Variants in HECW2 observed in about 807,000 individuals in gnomAD.
HECW2 encodes HECT, C2 and WW domain containing E3 ubiquitin protein ligase 2.
HECW2 carries 61 observed loss-of-function variants against 175.2 expected under a neutral mutation model. The ratio of observed to expected loss-of-function variants is 0.35; its 90% CI spans 0.28 to 0.43. The LOEUF (loss-of-function observed/expected upper bound fraction) is 0.43, where lower values mean the gene tolerates loss of function less well. Ranked by LOEUF, HECW2 falls within the 20% of genes least tolerant of loss-of-function variation. The pLI is 1.00. For synonymous variants in HECW2, 671 were observed against 731.0 expected (o/e 0.92, Z 1.32); for missense variants, 1,524 against 2,000.5 (o/e 0.76, Z 4.54).
chr2:196,240,884 G>A (rs1258328103), intron 20 of HECW2, among the ~76,000 whole-genome samples: 1 of 151,496 alleles, frequency 6.6e-6, no homozygotes, highest in Admixed American at 6.6e-5. Flanking sequence ...CACACACACC[G>A]CCCCCCGCCC....
intron 15 of HECW2, among the ~76,000 whole-genome samples, chr2:196,275,580 C>T (rs1001287883): frequency 5.3e-5 from 8 of 151,998 alleles, no homozygotes; most frequent in Non-Finnish European, 8.8e-5. Flanking sequence ...GGTGAAACCC[C>T]ATCTCTACTA....
At chr2:196,337,013 G>A (rs1165534056) in intron 3 of HECW2, among the ~76,000 whole-genome samples, 1 of 140,170 alleles carries the variant, frequency 7.1e-6, no homozygotes, top group African/African-American at 2.9e-5. Flanking sequence ...CCTTCAGCAG[G>A]ACATCAGTGA....
At chr2:196,364,814 A>G (rs73053770) in intron 2 of HECW2, among the ~76,000 whole-genome samples, 1,596 of 152,364 alleles carry the variant, frequency 0.01, 24 homozygotes, top group African/African-American at 0.036. Context: ...AAAGATCCTC[A>G]GAGTATGGAT....
intron 1 of HECW2, among the ~76,000 whole-genome samples, chr2:196,509,298 C>T (rs1483733422): frequency 1.3e-5 from 2 of 152,300 alleles, no homozygotes; most frequent in Non-Finnish European, 2.9e-5. Flanking sequence ...CTTTCACCTT[C>T]CTGTAAGCCT....
chr2:196,497,494 G>A (rs1356583006), intron 1 of HECW2, among the ~76,000 whole-genome samples: 1 of 152,178 alleles, frequency 6.6e-6, no homozygotes, highest in Non-Finnish European at 1.5e-5. Context: ...TATAAGACCA[G>A]TATTAGATGA....
intron 17 of HECW2, 63 bp from the exon 18 acceptor site, chr2:196,257,969 T>C: frequency 8.5e-7 from 1 of 1,172,472 alleles, no homozygotes; most frequent in South Asian, 1.3e-5. Flanking sequence ...AACTCAGTAG[T>C]AAAGAGCATT....
chr2:196,321,635 G>C (rs1235302775), intron 7 of HECW2, among the ~76,000 whole-genome samples: 1 of 151,964 alleles, frequency 6.6e-6, no homozygotes, highest in Admixed American at 6.6e-5. Flanking sequence ...CCTGACCTCG[G>C]GTGATCTGCC....
chr2:196,515,083 G>A (rs1688101259), intron 1 of HECW2, among the ~76,000 whole-genome samples: 1 of 152,212 alleles, frequency 6.6e-6, no homozygotes. Flanking sequence ...AGGGACCACT[G>A]CATTCCCTTT....
chr2:196,420,219 T>C (rs1695371777), intron 2 of HECW2, among the ~76,000 whole-genome samples: 1 of 152,194 alleles, frequency 6.6e-6, no homozygotes, highest in Non-Finnish European at 1.5e-5. Context: ...TAAAACAGGT[T>C]GAAAATCTGA....
rs1021542113 is a variant in HECW2, at chr2:196,242,317, T to G, written c.3530-113A>C. ...CAACAAGTCAAATGAGGCAACTGTC[T>G]TAACTTCTGCATTTTTGATTTCTGC... On this transcript the variant is annotated intron_variant, in intron 19 of 28. Coordinates refer to ENST00000644978, the MANE Select transcript of HECW2 (RefSeq NM_001348768.2). 2.2e-6 allele frequency: 3 copies of G among 1,344,620 alleles called. No homozygotes were observed. In the Admixed American group the frequency reaches 6.8e-5, roughly 31 times the overall value. The allele number at this position is 1,344,620 out of a possible 1,614,324, so 83.3% of individuals were successfully genotyped here.
chr2:196,367,123 A>C (rs1693765180), intron 2 of HECW2, among the ~76,000 whole-genome samples: 1 of 152,206 alleles, frequency 6.6e-6, no homozygotes, highest in Non-Finnish European at 1.5e-5. Flanking sequence ...TAACATATTC[A>C]CATTAGTGAA....
chr2:196,278,133 A>ATATATATATATATATAGATATATATAT lies in HECW2; in HGVS notation c.3135+394_3135+395insATATATATATCTATATATATATATATA, dbSNP rs1553489735. 3.0e-5 allele frequency among the ~76,000 whole-genome samples: 2 copies of ATATATATATATATATAGATATATATAT among 66,552 alleles called. 1 individual carries two copies. Among genetic ancestry groups the ATATATATATATATATAGATATATATAT allele is most frequent in the East Asian group, 2.0e-3 (2 of 980 alleles). The allele number at this position is 66,552 out of a possible 152,430, so 43.7% of individuals were successfully genotyped here. On this transcript the variant is annotated intron_variant, in intron 15 of 28. Transcript: ENST00000644978. ...CCTAGAACTTAAAGTATAATTAAAA[A>ATATATATATATATATAGATATATATAT]ATATATATATATATATATAAAGAAA...
intron 2 of HECW2, among the ~76,000 whole-genome samples, chr2:196,363,849 G>C (rs1693670936): frequency 6.6e-6 from 1 of 152,106 alleles, no homozygotes; most frequent in African/African-American, 2.4e-5. Context: ...AGGAGGAAAA[G>C]AAAGAATAAG....
chr2:196,522,105 T>C (rs1232174726), intron 1 of HECW2, among the ~76,000 whole-genome samples: 2 of 152,206 alleles, frequency 1.3e-5, no homozygotes, highest in Non-Finnish European at 2.9e-5. Context: ...ACCAACAGTG[T>C]AAAAGTGTTC....
intron 1 of HECW2, among the ~76,000 whole-genome samples, chr2:196,449,745 A>G (rs1470540938): frequency 6.6e-6 from 1 of 152,246 alleles, no homozygotes; most frequent in East Asian, 1.9e-4. Flanking sequence ...GAATTAAAAT[A>G]TCATTAAAAT....
rs1045979229 is a variant in HECW2 at position 196,261,055 on chromosome 2, C to T, written c.3336-3149G>A. On this transcript the variant is annotated intron_variant, in intron 17 of 28. Coordinates refer to ENST00000644978, the MANE Select transcript of HECW2 (RefSeq NM_001348768.2). ...GATCAGAGGTGAGCTTTTAAAGGGA[C>T]GGCGAACACACCTGGCTGCCCTTAG... Among the ~76,000 whole-genome samples the T allele has an allele frequency of 3.9e-5, 6 of 152,236 alleles. No homozygotes were observed. In the East Asian group the frequency reaches 5.8e-4, roughly 15 times the overall value.
At chr2:196,216,547 C>T (rs1258862475) in intron 27 of HECW2, among the ~76,000 whole-genome samples, 1 of 149,206 alleles carries the variant, frequency 6.7e-6, no homozygotes, top group Non-Finnish European at 1.5e-5. Context: ...AAAAAAAACA[C>T]AAGTTAGTTT....
At chr2:196,311,144 CATA>C (rs959233766) in intron 10 of HECW2, among the ~76,000 whole-genome samples, 2 of 152,154 alleles carry the variant, frequency 1.3e-5, no homozygotes, top group Non-Finnish European at 2.9e-5. Context: ...TGGTGTTCCA[CATA>C]ATATTTCATT....
At chr2:196,223,155 C>G (rs954090879) in intron 23 of HECW2, among the ~76,000 whole-genome samples, 7 of 152,110 alleles carry the variant, frequency 4.6e-5, no homozygotes, top group Non-Finnish European at 5.9e-5. Flanking sequence ...GTCACTACCC[C>G]CAGGAGCTAA....
Sources: gnomAD v4.1 joint callset for allele counts (sites outside exome capture counted in the v4.1 genomes callset) on GRCh38, gnomAD v4.1.1 for gene constraint, MANE v1.5 for transcripts, NCBI Gene and HGNC (gene_info 2026-07-23, HGNC 2026-07-21) for gene names.